DPYD: variants seen among roughly 807,000 people sequenced by gnomAD.
DPYD encodes the protein dihydropyrimidine dehydrogenase [NADP(+)].
A neutral mutation model predicts 116.2 loss-of-function variants in DPYD; 109 were observed. That is an observed-to-expected ratio of 0.94 (90% confidence interval 0.80 to 1.10). The LOEUF is 1.10. Among genes scored for constraint, DPYD ranks in the 50% least tolerant of loss-of-function variants. The pLI is 0.00. For missense variants in DPYD, 1,302 were observed against 1,254.5 expected, an observed-to-expected ratio of 1.04 and a Z score of -0.57; for synonymous variants, 440 against 432.0, an observed-to-expected ratio of 1.02 and a Z score of -0.23.
chr1:97,293,551 T>G (rs976834017), intron 18 of DPYD, among the ~76,000 whole-genome samples: 1 of 152,196 alleles, frequency 6.6e-6, no homozygotes, highest in Admixed American at 6.5e-5. Flanking sequence ...GCATCTGACA[T>G]CTAACACATA....
chr1:97,584,225 T>C (rs1653919212), intron 10 of DPYD, among the ~76,000 whole-genome samples: 1 of 152,160 alleles, frequency 6.6e-6, no homozygotes, highest in Non-Finnish European at 1.5e-5. Flanking sequence ...TTGAGAAGTG[T>C]CTGTTCATAT....
chr1:97,220,074 G>C (rs1003290297), intron 19 of DPYD, among the ~76,000 whole-genome samples: 2 of 152,084 alleles, frequency 1.3e-5, no homozygotes, highest in Non-Finnish European at 2.9e-5. Context: ...GCTATGGTTT[G>C]AATGTCCCCT....
chr1:97,179,773 A>C (rs1657527365), intron 20 of DPYD, among the ~76,000 whole-genome samples: 1 of 152,148 alleles, frequency 6.6e-6, no homozygotes. Context: ...GTGACTATGA[A>C]GCACAGAACT....
intron 8 of DPYD, among the ~76,000 whole-genome samples, chr1:97,634,858 G>C (rs1405304936): frequency 6.6e-6 from 1 of 151,228 alleles, no homozygotes; most frequent in Non-Finnish European, 1.5e-5. Context: ...GAGTTTTAGG[G>C]ACAAAGAGAA....
intron 20 of DPYD, among the ~76,000 whole-genome samples, chr1:97,109,877 T>G (rs868138618): frequency 2.0e-5 from 3 of 152,098 alleles, no homozygotes; most frequent in Admixed American, 2.0e-4. Context: ...CTTTCTAATA[T>G]AATTAATTAG....
intron 2 of DPYD, among the ~76,000 whole-genome samples, chr1:97,874,302 G>T (rs1275587411): frequency 6.6e-6 from 1 of 151,790 alleles, no homozygotes; most frequent in Non-Finnish European, 1.5e-5. Context: ...TCTAAATTAG[G>T]TATTTGTATC....
chr1:97,847,195 A>C (rs999137485), intron 2 of DPYD, among the ~76,000 whole-genome samples: 4 of 152,244 alleles, frequency 2.6e-5, no homozygotes, highest in Non-Finnish European at 5.9e-5. Flanking sequence ...AGGAACCACA[A>C]AATAAATTTG....
chr1:97,585,986 T>A (rs748573792), intron 10 of DPYD: 8 of 222,558 alleles, frequency 3.6e-5, no homozygotes, highest in Admixed American at 8.4e-5. Context: ...GAGATAGAAG[T>A]ACAATGTTTG....
chr1:97,910,265 G>A (rs1409509871), intron 1 of DPYD, among the ~76,000 whole-genome samples: 1 of 151,904 alleles, frequency 6.6e-6, no homozygotes, highest in African/African-American at 2.4e-5. Flanking sequence ...TTGAAAATGT[G>A]TTTACAACAT....
intron 14 of DPYD, among the ~76,000 whole-genome samples, chr1:97,418,690 A>G (rs1264299605): frequency 2.0e-5 from 3 of 152,192 alleles, no homozygotes; most frequent in Non-Finnish European, 4.4e-5. Context: ...AAATATATCA[A>G]TGAAATATAC....
At chr1:97,413,129 A>G (rs1048595529) in intron 14 of DPYD, among the ~76,000 whole-genome samples, 10 of 152,228 alleles carry the variant, frequency 6.6e-5, no homozygotes, top group African/African-American at 2.2e-4. Flanking sequence ...TATGAAAGCA[A>G]AACAAAAACC....
intron 7 of DPYD, among the ~76,000 whole-genome samples, chr1:97,681,963 T>C (rs1409170869): frequency 2.6e-5 from 4 of 152,108 alleles, no homozygotes; most frequent in Non-Finnish European, 5.9e-5. Context: ...TGCAGGAAGA[T>C]TCAAGAAGAC....
intron 19 of DPYD, among the ~76,000 whole-genome samples, chr1:97,198,410 T>TA (rs1442244199): frequency 6.6e-6 from 1 of 152,210 alleles, no homozygotes; most frequent in African/African-American, 2.4e-5. Flanking sequence ...GAAACAAGAA[T>TA]AATTTGCTGA....
intron 20 of DPYD, among the ~76,000 whole-genome samples, chr1:97,113,385 C>A (rs904821508): frequency 2.6e-5 from 4 of 151,964 alleles, no homozygotes. Context: ...ATAAATTGAT[C>A]TAGCTGGTTA....
chr1:97,908,158 G>A (rs1442917532), intron 1 of DPYD, among the ~76,000 whole-genome samples: 1 of 151,766 alleles, frequency 6.6e-6, no homozygotes, highest in Non-Finnish European at 1.5e-5. Context: ...CAATCCTCCC[G>A]CCTCAGCCTC....
intron 19 of DPYD, among the ~76,000 whole-genome samples, chr1:97,230,408 T>G (rs1315372552): frequency 6.6e-6 from 1 of 152,126 alleles, no homozygotes; most frequent in African/African-American, 2.4e-5. Flanking sequence ...CTGCATGTTC[T>G]CACTTAGAAG....
rs1348859103 is a variant in DPYD, at chr1:97,117,593, A to C, written c.2623-18961T>G. ...GCAAGAAACTTTTAGTGTCGCTAGA[A>C]TGTCGAAGATGCAATTTATCATACT... On this transcript the variant is annotated intron_variant, in intron 20 of 22. Transcript: ENST00000370192. Among the ~76,000 whole-genome samples, 4 of 152,322 alleles carry C rather than the reference A, an allele frequency of 2.6e-5. No homozygotes were observed. The East Asian group carries it at 7.7e-4, about 29-fold the overall frequency.
intron 18 of DPYD, among the ~76,000 whole-genome samples, chr1:97,260,486 A>G (rs1470705861): frequency 1.3e-5 from 2 of 152,114 alleles, no homozygotes; most frequent in Non-Finnish European, 2.9e-5. Context: ...GAAGAGTAAC[A>G]AATTTAAATA....
intron 3 of DPYD, among the ~76,000 whole-genome samples, chr1:97,745,547 C>T (rs72977751): frequency 6.6e-6 from 1 of 151,902 alleles, no homozygotes; most frequent in Non-Finnish European, 1.5e-5. Flanking sequence ...TATTTTCTGA[C>T]GTCTATGTCA....
Sources: allele counts gnomAD v4.1 joint callset (sites outside exome capture counted in the v4.1 genomes callset), GRCh38; gene constraint gnomAD v4.1.1; transcripts MANE v1.5; gene names NCBI Gene and HGNC (gene_info 2026-07-23, HGNC 2026-07-21).